Variants in RYR3 observed in about 807,000 individuals in gnomAD.
RYR3 encodes brain ryanodine receptor-calcium release channel.
In RYR3, 207 loss-of-function variants were observed where a neutral mutation model predicts 584.3. That is an observed-to-expected ratio of 0.35 (90% CI 0.32 to 0.40). The LOEUF is 0.40. Ranked by LOEUF, RYR3 falls within the 10% of genes least tolerant of loss-of-function variation. The pLI is 1.00. For synonymous variants in RYR3, 2,416 were observed against 2,248.5 expected (o/e 1.07, Z -2.11); for missense variants, 5,616 against 6,089.2 (o/e 0.92, Z 2.59).
chr15:33,575,834 T>TAA (rs1555535394), intron 12 of RYR3, among the ~76,000 whole-genome samples: 1 of 144,512 alleles, frequency 6.9e-6, no homozygotes, highest in African/African-American at 2.5e-5. Context: ...GAGCTGGTTT[T>TAA]AAAAAAAAAA....
chr15:33,689,518 A>G (rs1272443408), intron 38 of RYR3, among the ~76,000 whole-genome samples: 1 of 152,218 alleles, frequency 6.6e-6, no homozygotes, highest in Non-Finnish European at 1.5e-5. Context: ...TTCCAAAATA[A>G]TCATAGCAAA....
chr15:33,474,845 G>A (rs540438921), intron 2 of RYR3, among the ~76,000 whole-genome samples: 83 of 152,244 alleles, frequency 5.5e-4, no homozygotes, highest in African/African-American at 1.9e-3. Context: ...TGATGGCCAC[G>A]TCCTCCAGAA....
chr15:33,393,564 G>C (rs982397180), intron 1 of RYR3, among the ~76,000 whole-genome samples: 1 of 152,156 alleles, frequency 6.6e-6, no homozygotes, highest in African/African-American at 2.4e-5. Flanking sequence ...TGCAAACTTT[G>C]AGAATGAGCC....
chr15:33,530,748 C>T (rs1407899558), intron 4 of RYR3, 82 bp downstream of exon 4: 1 of 1,003,074 alleles, frequency 1.0e-6, no homozygotes, highest in Non-Finnish European at 1.6e-6. Flanking sequence ...CCAGCAATAA[C>T]AACGTAACAG....
Position 33,740,131 on chromosome 15 carries a change from CA to C in RYR3, c.7820+138del, listed in dbSNP as rs550760277. ...CTGTTCATCATTTCTCTTGATGTGT[CA>C]AGTCCCATCAGGCACAAGGTTTAAT... is the stretch of plus-strand genomic sequence containing the variant. On this transcript the variant is annotated intron_variant, in intron 51 of 103. Coordinates refer to ENST00000634891, the MANE Select transcript of RYR3 (RefSeq NM_001036.6). 4,410 of 714,674 alleles carry C rather than the reference CA, an allele frequency of 6.2e-3. 20 individuals carry two copies. Among genetic ancestry groups the C allele is most frequent in the Middle Eastern group, 0.011 (37 of 3,350 alleles). The allele number at this position is 714,674 out of a possible 1,614,324, so 44.3% of individuals were successfully genotyped here.
rs1483999177 is a variant in RYR3, at chr15:33,812,854, A to C, written c.10258-9A>C. 1 of 1,613,548 alleles carries C rather than the reference A, an allele frequency of 6.2e-7. No homozygotes were observed. The highest frequency in any genetic ancestry group is 2.2e-5 in the East Asian group (1 of 44,882). On this transcript the variant is annotated splice_polypyrimidine_tract_variant and intron_variant, in intron 72 of 103. Coordinates refer to ENST00000634891, the MANE Select transcript of RYR3 (RefSeq NM_001036.6). ...ATTCCTCATCTTATGAGTATGCTTCAATTTTCAGTCTGATGACCCAGCTGT... is the reference window on the plus strand; with the variant it reads ...ATTCCTCATCTTATGAGTATGCTTCCATTTTCAGTCTGATGACCCAGCTGT...
chr15:33,391,514 T>A (rs967567909), intron 1 of RYR3, among the ~76,000 whole-genome samples: 4 of 151,502 alleles, frequency 2.6e-5, no homozygotes, highest in Non-Finnish European at 5.9e-5. Context: ...TAGTCCCAGC[T>A]GTTCAGGAGG....
At chr15:33,519,625 GT>G (rs5811766) in intron 3 of RYR3, among the ~76,000 whole-genome samples, 46,921 of 146,234 alleles carry the variant, frequency 0.32, 7,405 homozygotes, top group Middle Eastern at 0.52. Flanking sequence ...CTTTTATGTT[GT>G]TTTTTTTTTT....
intron 32 of RYR3, among the ~76,000 whole-genome samples, chr15:33,658,660 G>C (rs1437118077): frequency 6.6e-6 from 1 of 152,216 alleles, no homozygotes; most frequent in Non-Finnish European, 1.5e-5. Flanking sequence ...TAAAGTCCCA[G>C]TGTGTGAGCA....
chr15:33,628,618 C>T, intron 21 of RYR3, 43 bp downstream of exon 21: 1 of 1,267,996 alleles, frequency 7.9e-7, no homozygotes, highest in South Asian at 1.2e-5. Context: ...GTGGGATTGC[C>T]TTGTTGCCTG....
chr15:33,494,224 A>T (rs2051224665), intron 2 of RYR3, among the ~76,000 whole-genome samples: 1 of 152,144 alleles, frequency 6.6e-6, no homozygotes, highest in East Asian at 1.9e-4. Flanking sequence ...TCCCTTACAT[A>T]AGAAAAGCTT....
At chr15:33,571,471 G>T (rs1216007689) in intron 12 of RYR3, among the ~76,000 whole-genome samples, 1 of 151,880 alleles carries the variant, frequency 6.6e-6, no homozygotes. Context: ...CACATATTTT[G>T]GTTTCTGTTG....
At chr15:33,545,200 C>T (rs1427165716) in intron 8 of RYR3, among the ~76,000 whole-genome samples, 3 of 152,096 alleles carry the variant, frequency 2.0e-5, no homozygotes, top group Non-Finnish European at 4.4e-5. Context: ...GGGCATGCCC[C>T]CACCCACATG....
intron 36 of RYR3, among the ~76,000 whole-genome samples, chr15:33,666,034 T>C (rs571993685): frequency 5.3e-5 from 8 of 152,292 alleles, no homozygotes; most frequent in Non-Finnish European, 7.4e-5. Flanking sequence ...TGACAGAGTC[T>C]CACTCTGTCA....
chr15:33,638,169 ACT>A (rs1203496670), intron 27 of RYR3, among the ~76,000 whole-genome samples: 3 of 152,292 alleles, frequency 2.0e-5, no homozygotes, highest in Admixed American at 6.5e-5. Flanking sequence ...TAAAGAAATA[ACT>A]CTGTTTTTGC....
rs1356984145 is a variant in RYR3 at position 33,311,765 on chromosome 15, C to A, written c.51+669C>A. Among the ~76,000 whole-genome samples the A allele has an allele frequency of 6.6e-6, 1 of 152,250 alleles. No individual in the cohort carries two copies. The highest frequency in any genetic ancestry group is 2.1e-4 in the South Asian group (1 of 4,838). ...GGCTTCTGCTCCTGGCTCCCGCGAG[C>A]CCCGCAGGACAGGGAAACCCCAGTC... On this transcript the variant is annotated intron_variant, in intron 1 of 103. Coordinates refer to ENST00000634891, the MANE Select transcript of RYR3 (RefSeq NM_001036.6). The surrounding 1 kb of genome is among the most constrained non-coding windows in gnomAD (Gnocchi z 4.4).
In RYR3 at chr15:33,578,886, C is replaced by G. The variant is rs571609416; in HGVS notation, c.1269-1090C>G. On this transcript the variant is annotated intron_variant, in intron 12 of 103. Transcript: ENST00000634891. ...ACAAGAGATAGGTCCATTTCCCCTT[C>G]CTCTTCATAGCCTTTGCCCTCTGAG... Among the ~76,000 whole-genome samples, 25 of 152,300 alleles carry G rather than the reference C, an allele frequency of 1.6e-4. No individual in the cohort carries two copies. In the South Asian group the frequency reaches 1.7e-3, roughly 10 times the overall value.
chr15:33,578,378 C>G (rs937190100), intron 12 of RYR3, among the ~76,000 whole-genome samples: 1 of 152,118 alleles, frequency 6.6e-6, no homozygotes, highest in African/African-American at 2.4e-5. Context: ...CAGTGATAGA[C>G]TGGATCAAGA....
intron 1 of RYR3, among the ~76,000 whole-genome samples, chr15:33,354,851 G>C (rs1345310311): frequency 6.6e-6 from 1 of 152,116 alleles, no homozygotes; most frequent in East Asian, 1.9e-4. Flanking sequence ...CCACCTTTCG[G>C]CAGCATTCAT....
Sources: allele counts gnomAD v4.1 joint callset (sites outside exome capture counted in the v4.1 genomes callset), GRCh38; gene constraint gnomAD v4.1.1; non-coding constraint Gnocchi (gnomAD v3.1); transcripts MANE v1.5; gene names NCBI Gene and HGNC (gene_info 2026-07-23, HGNC 2026-07-21).